GRM8: variants seen among roughly 807,000 people sequenced by gnomAD.
The protein encoded by GRM8 is metabotropic glutamate receptor 8.
Under a neutral mutation model 87.2 loss-of-function variants are expected in GRM8, and 47 were observed. The observed-to-expected ratio is 0.54, with a 90% CI of 0.43 to 0.69. The LOEUF is 0.69. Among genes scored for constraint, GRM8 ranks in the 30% least tolerant of loss-of-function variants. The pLI is 0.00. For missense variants in GRM8, 1,019 were observed against 1,139.2 expected (o/e 0.89, Z 1.52); for synonymous variants, 396 against 404.5 (o/e 0.98, Z 0.25).
At chr7:127,085,572 AT>A in intron 3 of GRM8, among the ~76,000 whole-genome samples, 1 of 152,196 alleles carries the variant, frequency 6.6e-6, no homozygotes, top group South Asian at 2.1e-4. Context: ...GATGATGAGC[AT>A]TTTTTCATAT....
chr7:126,728,037 C>A (rs1169010778), intron 7 of GRM8, among the ~76,000 whole-genome samples: 2 of 152,140 alleles, frequency 1.3e-5, no homozygotes, highest in Non-Finnish European at 2.9e-5. Context: ...GTGAGTCATG[C>A]ATGTGAACCT....
Position 126,902,650 on chromosome 7 carries a change from G to C in GRM8, c.1048C>G (p.Leu350Val). 6.2e-7 allele frequency: 1 copy of C among 1,607,898 alleles called. No individual in the cohort carries two copies. The highest frequency in any genetic ancestry group is 8.5e-7 in the Non-Finnish European group (1 of 1,176,940). ...CACACATTTCTTCGATTATTGGCAA[G>C]AGTTCGGCTTCTAAAGTATCGATCA... Reference protein sequence around the residue: ...GFDRYFRSRTLANNRRNVWFA... With the variant: ...GFDRYFRSRTVANNRRNVWFA... The change falls in exon 6 of 11, where the codon CTT (leucine) becomes GTT (valine). Residue 350 changes from leucine (L) to valine (V), a missense_variant. By Grantham distance (32) the Leu-to-Val change is conservative (BLOSUM62 1). Coordinates refer to ENST00000339582, the MANE Select transcript of GRM8 (RefSeq NM_000845.3).
At chr7:126,707,351 G>A (rs1409020990) in intron 7 of GRM8, among the ~76,000 whole-genome samples, 2 of 152,038 alleles carry the variant, frequency 1.3e-5, no homozygotes, top group Non-Finnish European at 2.9e-5. Context: ...TTTCAGAGAG[G>A]AGTCCAAGTT....
intron 3 of GRM8, among the ~76,000 whole-genome samples, chr7:126,983,204 A>T (rs1375134394): frequency 6.6e-6 from 1 of 151,898 alleles, no homozygotes; most frequent in Admixed American, 6.5e-5. Flanking sequence ...CCAGCAGAAC[A>T]TAATATTGTG....
At chr7:127,167,099 C>T (rs1793499470) in intron 2 of GRM8, among the ~76,000 whole-genome samples, 1 of 152,082 alleles carries the variant, frequency 6.6e-6, no homozygotes, top group Admixed American at 6.5e-5. Context: ...TCTGGCTTCC[C>T]AGTGTGGCTG....
chr7:126,873,856 C>T (rs1268368871), intron 6 of GRM8, among the ~76,000 whole-genome samples: 3 of 152,020 alleles, frequency 2.0e-5, no homozygotes, highest in Non-Finnish European at 4.4e-5. Context: ...CATAAAAAGT[C>T]TGCTAATTAT....
intron 2 of GRM8, among the ~76,000 whole-genome samples, chr7:127,212,084 C>T (rs542987265): frequency 1.3e-5 from 2 of 152,282 alleles, no homozygotes; most frequent in South Asian, 4.1e-4. Flanking sequence ...AGTCACACCC[C>T]TATTTTTGGA....
In GRM8 at chr7:126,903,990, T is replaced by A. The variant is rs769248920; in HGVS notation, c.1000A>T (p.Lys334Ter). Residue 334 changes from lysine to a stop codon, truncating the protein, a stop_gained, in exon 5 of 11, where the codon AAA (lysine) becomes TAA (stop). Transcript: ENST00000339582. LOFTEE classifies it high-confidence loss of function. ...IAEGAVTILP[K>*]RASIDGFDRY... Reference sequence around the variant, plus strand: ...TTCTTACCATCAATTGATGCTCGTTTGGGCAAAATTGTCACAGCCCCTTCT... The same window carrying A: ...TTCTTACCATCAATTGATGCTCGTTAGGGCAAAATTGTCACAGCCCCTTCT... 1 of 1,548,322 alleles carries A rather than the reference T, an allele frequency of 6.5e-7. No individual in the cohort carries two copies.
chr7:127,143,377 A>G (rs1171109472), intron 2 of GRM8, among the ~76,000 whole-genome samples: 4 of 152,126 alleles, frequency 2.6e-5, no homozygotes, highest in African/African-American at 9.7e-5. Context: ...CTCTGTTGTT[A>G]CTAAATCTCT....
intron 2 of GRM8, among the ~76,000 whole-genome samples, chr7:127,190,977 A>T (rs1269192042): frequency 1.3e-5 from 2 of 152,230 alleles, no homozygotes; most frequent in Non-Finnish European, 2.9e-5. Context: ...AGTCTATGAC[A>T]ACAGTACATT....
chr7:127,094,868 T>A (rs979525533), intron 3 of GRM8, among the ~76,000 whole-genome samples: 10 of 152,244 alleles, frequency 6.6e-5, no homozygotes, highest in Admixed American at 2.6e-4. Context: ...AGATTCAAAC[T>A]ATCACTTGAG....
intron 2 of GRM8, among the ~76,000 whole-genome samples, chr7:127,176,165 T>A (rs569970770): frequency 5.3e-5 from 8 of 152,216 alleles, no homozygotes; most frequent in Admixed American, 5.2e-4. Flanking sequence ...TCTAGACCAC[T>A]ATTAAAAAAA....
chr7:126,998,928 A>G (rs1286530712), intron 3 of GRM8, among the ~76,000 whole-genome samples: 1 of 151,908 alleles, frequency 6.6e-6, no homozygotes, highest in African/African-American at 2.4e-5. Flanking sequence ...ATATGGAACT[A>G]CAAAAGACCC....
chr7:126,845,962 G>A (rs1410089296), intron 6 of GRM8, among the ~76,000 whole-genome samples: 1 of 151,724 alleles, frequency 6.6e-6, no homozygotes, highest in African/African-American at 2.4e-5. Context: ...GGGGAGGGTA[G>A]ATTATCATCA....
At chr7:127,176,647 CTG>C (rs1483223002) in intron 2 of GRM8, among the ~76,000 whole-genome samples, 1 of 152,222 alleles carries the variant, frequency 6.6e-6, no homozygotes, top group African/African-American at 2.4e-5. Flanking sequence ...ACCCCAAATA[CTG>C]TGAGTGCCCT....
chr7:126,873,877 T>C (rs1009203133), intron 6 of GRM8, among the ~76,000 whole-genome samples: 3 of 152,154 alleles, frequency 2.0e-5, no homozygotes, highest in Non-Finnish European at 4.4e-5. Context: ...GACAGAATTA[T>C]GTGGACATTC....
At chr7:127,218,324 C>G (rs1165348398) in intron 2 of GRM8, among the ~76,000 whole-genome samples, 1 of 152,212 alleles carries the variant, frequency 6.6e-6, no homozygotes, top group Non-Finnish European at 1.5e-5. Flanking sequence ...AATCCATGTT[C>G]TTTGGACTCC....
chr7:127,144,358 T>C (rs1828437917), intron 2 of GRM8, among the ~76,000 whole-genome samples: 1 of 152,100 alleles, frequency 6.6e-6, no homozygotes, highest in Non-Finnish European at 1.5e-5. Context: ...CTTGTGTTGC[T>C]GGTAGGGCAC....
chr7:126,457,689 C>A (rs907818660), intron 9 of GRM8, among the ~76,000 whole-genome samples: 5 of 150,380 alleles, frequency 3.3e-5, no homozygotes, highest in Admixed American at 6.6e-5. Context: ...TGGGCTAAAG[C>A]AGACACAAAA....
Sources: allele counts gnomAD v4.1 joint callset (sites outside exome capture counted in the v4.1 genomes callset), GRCh38; gene constraint gnomAD v4.1.1; transcripts MANE v1.5; gene names NCBI Gene and HGNC (gene_info 2026-07-23, HGNC 2026-07-21).